Variants in ITGBL1 observed in about 807,000 individuals in gnomAD.
ITGBL1 encodes integrin subunit beta like 1, also known as integrin beta-like protein 1.
In ITGBL1, 51 loss-of-function variants were observed where a neutral mutation model predicts 68.5. The observed-to-expected ratio is 0.74, with a 90% CI of 0.59 to 0.94. The LOEUF is 0.94. Among genes scored for constraint, ITGBL1 ranks in the 40% least tolerant of loss-of-function variants. The probability of loss-of-function intolerance (pLI) is 0.00; values close to 1 mark genes in which losing one functional copy is unlikely to be tolerated. For synonymous variants in ITGBL1, 209 were observed against 227.3 expected, an observed-to-expected ratio of 0.92 and a Z score of 0.72; for missense variants, 649 against 647.4, an observed-to-expected ratio of 1.00 and a Z score of -0.03.
chr13:101,602,611 A>G lies in ITGBL1; in HGVS notation c.1015+4312A>G, dbSNP rs183844379. On this transcript the variant is annotated intron_variant, in intron 7 of 10. Coordinates refer to ENST00000376180, the MANE Select transcript of ITGBL1 (RefSeq NM_004791.3). ...ATATAATTCACATACCACAAAATTC[A>G]CATACCACTCAGTATTTTGATATAT... Among the ~76,000 whole-genome samples the G allele has an allele frequency of 9.9e-5, 15 of 152,122 alleles. 1 individual carries two copies. Among genetic ancestry groups the G allele is most frequent in the Admixed American group, 8.5e-4 (13 of 15,214 alleles).
chr13:101,700,545 T>C (rs988138503), intron 8 of ITGBL1, among the ~76,000 whole-genome samples: 1 of 152,232 alleles, frequency 6.6e-6, no homozygotes, highest in Non-Finnish European at 1.5e-5. Context: ...GTTTGCAAAG[T>C]GTAAACTATA....
intron 2 of ITGBL1, among the ~76,000 whole-genome samples, chr13:101,492,115 T>C (rs1448600178): frequency 1.3e-5 from 2 of 152,200 alleles, no homozygotes; most frequent in African/African-American, 4.8e-5. Flanking sequence ...GTCTTTAAAG[T>C]AGAATGATTT....
chr13:101,680,019 C>T (rs2033604574), intron 7 of ITGBL1, among the ~76,000 whole-genome samples: 1 of 152,132 alleles, frequency 6.6e-6, no homozygotes, highest in Non-Finnish European at 1.5e-5. Context: ...TTATGAGCAA[C>T]TTTTTCTTGG....
intron 8 of ITGBL1, among the ~76,000 whole-genome samples, chr13:101,705,980 G>C (rs976975842): frequency 6.6e-5 from 10 of 152,216 alleles, no homozygotes; most frequent in Non-Finnish European, 1.5e-5. Context: ...TCAGGAAAAG[G>C]AATAAAGGGT....
At chr13:101,579,239 A>G in intron 4 of ITGBL1, 48 bp from the exon 5 acceptor site, 1 of 1,595,916 alleles carries the variant, frequency 6.3e-7, no homozygotes, top group South Asian at 1.1e-5. Context: ...AATTCTGCTT[A>G]TGAAAGTTGC....
chr13:101,574,251 G>A (rs953797500), intron 3 of ITGBL1, among the ~76,000 whole-genome samples: 2 of 5,316 alleles, frequency 3.8e-4, no homozygotes, highest in East Asian at 0.02. Context: ...CACTTTTCAT[G>A]CTGTTCTCAT....
At chr13:101,661,699 A>G (rs1001954303) in intron 7 of ITGBL1, among the ~76,000 whole-genome samples, 1 of 152,220 alleles carries the variant, frequency 6.6e-6, no homozygotes, top group African/African-American at 2.4e-5. Context: ...GAATGTGACA[A>G]TTACTAAAAG....
intron 8 of ITGBL1, among the ~76,000 whole-genome samples, chr13:101,694,161 C>T (rs1307086048): frequency 2.0e-5 from 3 of 152,158 alleles, no homozygotes; most frequent in Non-Finnish European, 4.4e-5. Context: ...CCTAGAGTGA[C>T]ACCAACGTGT....
chr13:101,569,778 G>T (rs2050243899), intron 3 of ITGBL1, among the ~76,000 whole-genome samples: 1 of 152,100 alleles, frequency 6.6e-6, no homozygotes, highest in African/African-American at 2.4e-5. Flanking sequence ...AAATGGTTTT[G>T]TGTTCTCAAA....
intron 8 of ITGBL1, among the ~76,000 whole-genome samples, chr13:101,699,469 G>A (rs1222397220): frequency 2.6e-5 from 4 of 152,150 alleles, no homozygotes; most frequent in Admixed American, 6.5e-5. Context: ...ATTGAATCAC[G>A]GGGGTGGTTT....
chr13:101,572,606 A>C (rs1331994298), intron 3 of ITGBL1, among the ~76,000 whole-genome samples: 1 of 152,142 alleles, frequency 6.6e-6, no homozygotes, highest in South Asian at 2.1e-4. Context: ...GCATGAGCAC[A>C]GGAGTCTGGA....
chr13:101,702,456 T>C (rs1425556894), intron 8 of ITGBL1, among the ~76,000 whole-genome samples: 1 of 152,166 alleles, frequency 6.6e-6, no homozygotes, highest in Non-Finnish European at 1.5e-5. Context: ...CATCACTGAT[T>C]TTATATTTTT....
At chr13:101,558,209 A>G (rs753712001) in intron 2 of ITGBL1, among the ~76,000 whole-genome samples, 1 of 152,044 alleles carries the variant, frequency 6.6e-6, no homozygotes, top group East Asian at 1.9e-4. Flanking sequence ...GATTTCTGAT[A>G]CAGCAGAAAA....
intron 2 of ITGBL1, among the ~76,000 whole-genome samples, chr13:101,560,860 A>T (rs1566732273): frequency 6.6e-6 from 1 of 152,178 alleles, no homozygotes; most frequent in Non-Finnish European, 1.5e-5. Flanking sequence ...AGCTATAGTT[A>T]TTCTTTACCC....
At chr13:101,568,213 C>T (rs558406552) in intron 3 of ITGBL1, among the ~76,000 whole-genome samples, 2 of 152,050 alleles carry the variant, frequency 1.3e-5, no homozygotes, top group Non-Finnish European at 2.9e-5. Context: ...TGAATTTTTA[C>T]CTTCGCAAAA....
At chr13:101,490,532 G>C (rs1053390021) in intron 2 of ITGBL1, among the ~76,000 whole-genome samples, 4 of 152,170 alleles carry the variant, frequency 2.6e-5, no homozygotes, top group Admixed American at 6.5e-5. Context: ...TGAGTAATGT[G>C]TTGTTCACAC....
chr13:101,466,227 G>A (rs1487414098), intron 2 of ITGBL1, among the ~76,000 whole-genome samples: 1 of 152,204 alleles, frequency 6.6e-6, no homozygotes, highest in Non-Finnish European at 1.5e-5. Flanking sequence ...ATTAGTAATA[G>A]TAAAGTTCTT....
Position 101,530,992 on chromosome 13 carries a change from T to A in ITGBL1, c.317-36707T>A, listed in dbSNP as rs182761985. On this transcript the variant is annotated intron_variant, in intron 2 of 10. Transcript: ENST00000376180. ...TTCGAAAGTCCATGGAGGTTTCTTG[T>A]CTTTCTTTCTTTGAACTACTAGAGG... Among the ~76,000 whole-genome samples, 20 of 152,292 alleles carry A rather than the reference T, an allele frequency of 1.3e-4. No homozygotes were observed. The East Asian group carries it at 3.5e-3, about 27-fold the overall frequency.
chr13:101,695,033 C>T (rs1005998701), intron 8 of ITGBL1, among the ~76,000 whole-genome samples: 2 of 151,948 alleles, frequency 1.3e-5, no homozygotes, highest in Admixed American at 6.6e-5. Context: ...TATGGTTGAG[C>T]GTGAAGGGAG....
Sources: allele counts gnomAD v4.1 joint callset (sites outside exome capture counted in the v4.1 genomes callset), GRCh38; gene constraint gnomAD v4.1.1; transcripts MANE v1.5; gene names NCBI Gene and HGNC (gene_info 2026-07-23, HGNC 2026-07-21).